The following ASIC2 variants were observed in gnomAD, a reference collection of about 807,000 sequenced individuals.
The protein encoded by ASIC2 is acid-sensing ion channel 2.
In ASIC2, 25 loss-of-function variants were observed where a neutral mutation model predicts 57.3. The observed-to-expected ratio is 0.44, with a 90% CI of 0.32 to 0.61. ASIC2 has a LOEUF of 0.61. Ranked by LOEUF, ASIC2 falls within the 20% of genes least tolerant of loss-of-function variation. The probability of loss-of-function intolerance (pLI) is 0.06; values close to 1 mark genes in which losing one functional copy is unlikely to be tolerated. For missense variants in ASIC2, 641 were observed against 738.1 expected (o/e 0.87, Z 1.52); for synonymous variants, 319 against 307.5 (o/e 1.04, Z -0.39).
intron 1 of ASIC2, among the ~76,000 whole-genome samples, chr17:33,346,750 T>C (rs1015634123): frequency 1.3e-5 from 2 of 151,976 alleles, no homozygotes; most frequent in South Asian, 2.1e-4. Context: ...TGAACATAGA[T>C]AGGAAAGAGA....
intron 1 of ASIC2, among the ~76,000 whole-genome samples, chr17:33,843,709 C>G (rs1353381782): frequency 6.6e-6 from 1 of 152,152 alleles, no homozygotes; most frequent in African/African-American, 2.4e-5. Context: ...GATGGAGAAG[C>G]TTGAAAAGAG....
At chr17:34,131,894 C>A (rs1911979756) in intron 1 of ASIC2, among the ~76,000 whole-genome samples, 1 of 152,172 alleles carries the variant, frequency 6.6e-6, no homozygotes, top group Admixed American at 6.5e-5. Flanking sequence ...TACCTTGGGT[C>A]TAGCTTCTCC....
Position 33,894,957 on chromosome 17 carries a change from A to G in ASIC2, c.555+261021T>C, listed in dbSNP as rs142777516. ...CATCCTGAATGCATGAACTACTCTG[A>G]TGAATACTTTCTGCTGCCCACCCTG... On this transcript the variant is annotated intron_variant, in intron 1 of 9. Coordinates refer to the ASIC2 transcript ENST00000359872. 2.7e-3 allele frequency among the ~76,000 whole-genome samples: 413 copies of G among 152,226 alleles called. 5 individuals are homozygous for G. The highest frequency in any genetic ancestry group is 2.6e-4 in the Non-Finnish European group (18 of 68,010).
At chr17:33,158,149 A>T (rs561024655) in intron 1 of ASIC2, among the ~76,000 whole-genome samples, 1 of 152,272 alleles carries the variant, frequency 6.6e-6, no homozygotes, top group African/African-American at 2.4e-5. Flanking sequence ...CTGGTATCCT[A>T]CCAGTATAAC....
At chr17:33,233,532 AC>A (rs1908185444) in intron 1 of ASIC2, among the ~76,000 whole-genome samples, 1 of 150,206 alleles carries the variant, frequency 6.7e-6, no homozygotes, top group African/African-American at 2.5e-5. Flanking sequence ...ACACACACAC[AC>A]ACACACACAC....
rs533638062 is a variant in ASIC2 at position 34,086,316 on chromosome 17, C to A, written c.555+69662G>T. ...TATGTACCAAGTAGTCATTCAGGAG[C>A]AGGTTGTTCAGTTTCCATGTAGTTG... On this transcript the variant is annotated intron_variant, in intron 1 of 9. Transcript: ENST00000359872. 4.1e-3 allele frequency among the ~76,000 whole-genome samples: 622 copies of A among 152,192 alleles called. 5 individuals are homozygous for A. The highest frequency in any genetic ancestry group is 0.014 in the African/African-American group (600 of 41,512).
intron 1 of ASIC2, among the ~76,000 whole-genome samples, chr17:33,162,826 C>T (rs1567768769): frequency 6.6e-6 from 1 of 152,234 alleles, no homozygotes; most frequent in Non-Finnish European, 1.5e-5. Flanking sequence ...AGCAGCTCCC[C>T]TGGAGGGCAG....
chr17:33,604,895 G>A (rs1905190929), intron 1 of ASIC2, among the ~76,000 whole-genome samples: 1 of 152,168 alleles, frequency 6.6e-6, no homozygotes, highest in South Asian at 2.1e-4. Context: ...GAATTAGGAT[G>A]TTTCCAAAGT....
chr17:33,129,489 C>G (rs2092336812), intron 1 of ASIC2, among the ~76,000 whole-genome samples: 1 of 152,170 alleles, frequency 6.6e-6, no homozygotes, highest in African/African-American at 2.4e-5. Context: ...GAGAATAGTT[C>G]TAGGATTTGG....
Position 33,870,987 on chromosome 17 carries a change from CT to C in ASIC2, c.555+284990del, listed in dbSNP as rs534878023. Among the ~76,000 whole-genome samples, 618 of 152,240 alleles carry C rather than the reference CT, an allele frequency of 4.1e-3. 3 individuals carry two copies. Among genetic ancestry groups the C allele is most frequent in the African/African-American group, 0.014 (596 of 41,500 alleles). On this transcript the variant is annotated intron_variant, in intron 1 of 9. Transcript: ENST00000359872. The stretch of plus-strand genomic sequence containing the variant: ...GCTTTGCTTGTGCCCACCCCACCCC[CT>C]GAGATGCTGGCATGAAGCTGGGCAT...
rs558208232 is a variant in ASIC2, at chr17:33,674,142, C to A, written c.555+481836G>T. On this transcript the variant is annotated intron_variant, in intron 1 of 9. Transcript: ENST00000359872. ...TCTCTCGACTTCGTGATCCGCCCAC[C>A]TCGGCCTCCCAAAGTGCTGGGATTA... Among the ~76,000 whole-genome samples the A allele has an allele frequency of 1.1e-4, 17 of 152,286 alleles. 1 individual carries two copies. The highest frequency in any genetic ancestry group is 3.8e-4 in the African/African-American group (16 of 41,568).
intron 1 of ASIC2, among the ~76,000 whole-genome samples, chr17:34,012,921 C>T (rs1047133085): frequency 2.0e-5 from 3 of 152,126 alleles, no homozygotes; most frequent in African/African-American, 4.8e-5. Context: ...GCCATGACAA[C>T]AGAAAGCACC....
intron 1 of ASIC2, among the ~76,000 whole-genome samples, chr17:33,512,078 A>T (rs1224827736): frequency 6.6e-6 from 1 of 152,198 alleles, no homozygotes; most frequent in Non-Finnish European, 1.5e-5. Context: ...GGGAAAATTC[A>T]GCTTAATAGT....
At chr17:33,015,873 T>TG in intron 9 of ASIC2, 98 bp downstream of exon 9, 1 of 1,268,984 alleles carries the variant, frequency 7.9e-7, no homozygotes, top group Non-Finnish European at 1.1e-6. Flanking sequence ...AGGTGTGCAG[T>TG]GAGTCACATC....
chr17:33,910,733 G>A (rs1339871959), intron 1 of ASIC2, among the ~76,000 whole-genome samples: 1 of 152,188 alleles, frequency 6.6e-6, no homozygotes, highest in Non-Finnish European at 1.5e-5. Flanking sequence ...ACCTATCATG[G>A]ACTGCCTCTC....
At chr17:33,645,927 G>T (rs1906725646) in intron 1 of ASIC2, among the ~76,000 whole-genome samples, 1 of 152,068 alleles carries the variant, frequency 6.6e-6, no homozygotes, top group South Asian at 2.1e-4. Flanking sequence ...AACTTATGAG[G>T]TTGTTGCTAT....
intron 1 of ASIC2, among the ~76,000 whole-genome samples, chr17:33,299,673 T>C (rs1905869878): frequency 6.6e-6 from 1 of 152,066 alleles, no homozygotes; most frequent in Non-Finnish European, 1.5e-5. Context: ...CCCTTTCTTC[T>C]ATCACAAGCA....
At chr17:33,893,392 T>C (rs1258161094) in intron 1 of ASIC2, among the ~76,000 whole-genome samples, 1 of 152,154 alleles carries the variant, frequency 6.6e-6, no homozygotes, top group African/African-American at 2.4e-5. Context: ...CTCAGATGAG[T>C]TACTTCCCCT....
intron 1 of ASIC2, among the ~76,000 whole-genome samples, chr17:33,233,641 A>G (rs1224658690): frequency 1.3e-5 from 2 of 151,706 alleles, no homozygotes; most frequent in Non-Finnish European, 2.9e-5. Context: ...TCTGAACGGC[A>G]TCAGGCTGGG....
Sources: allele counts gnomAD v4.1 joint callset (sites outside exome capture counted in the v4.1 genomes callset), GRCh38; gene constraint gnomAD v4.1.1; transcripts MANE v1.5; gene names NCBI Gene and HGNC (gene_info 2026-07-23, HGNC 2026-07-21).